DGKI: variants seen among roughly 807,000 people sequenced by gnomAD.
The protein encoded by DGKI is diacylglycerol kinase iota.
A neutral mutation model predicts 147.5 loss-of-function variants in DGKI; 55 were observed. The observed-to-expected ratio is 0.37, with a 90% CI of 0.30 to 0.47. The LOEUF (loss-of-function observed/expected upper bound fraction) is 0.47. DGKI is among the 20% of genes least tolerant of loss of function. DGKI has a pLI of 1.00. For missense variants in DGKI, 1,007 were observed against 1,323.8 expected (o/e 0.76, Z 3.71); for synonymous variants, 469 against 477.1 (o/e 0.98, Z 0.22).
intron 1 of DGKI, among the ~76,000 whole-genome samples, chr7:137,716,457 A>G (rs766162900): frequency 2.2e-4 from 33 of 152,220 alleles, no homozygotes; most frequent in Non-Finnish European, 4.3e-4. Flanking sequence ...TATACCAGTG[A>G]CCAGAAGACA....
chr7:137,612,071 C>T (rs934330346), intron 8 of DGKI, among the ~76,000 whole-genome samples: 2 of 152,076 alleles, frequency 1.3e-5, no homozygotes, highest in Admixed American at 6.6e-5. Context: ...CTTGTCTGAT[C>T]GTAGAACTCA....
intron 24 of DGKI, 93 bp from the exon 25 acceptor site, chr7:137,467,035 C>A: frequency 8.1e-7 from 1 of 1,237,496 alleles, no homozygotes; most frequent in Admixed American, 1.8e-5. Flanking sequence ...GTCAAAACCC[C>A]TACATGGCAG....
intron 21 of DGKI, among the ~76,000 whole-genome samples, chr7:137,506,706 G>A: frequency 6.6e-6 from 1 of 152,118 alleles, no homozygotes. Flanking sequence ...GTTGCGGTAG[G>A]GGAGGGTTGA....
chr7:137,408,060 G>T (rs1812023706), intron 29 of DGKI, 65 bp from the exon 30 acceptor site: 1 of 1,582,692 alleles, frequency 6.3e-7, no homozygotes, highest in Non-Finnish European at 8.6e-7. Flanking sequence ...CAGCTAACCG[G>T]TAATAAAATG....
chr7:137,788,496 C>T (rs901988904), intron 1 of DGKI, among the ~76,000 whole-genome samples: 7 of 152,096 alleles, frequency 4.6e-5, no homozygotes, highest in East Asian at 1.9e-4. Flanking sequence ...TTGATGGCTA[C>T]GTCTCCAGAC....
At chr7:137,564,889 G>A (rs1444857479) in intron 19 of DGKI, among the ~76,000 whole-genome samples, 1 of 152,180 alleles carries the variant, frequency 6.6e-6, no homozygotes, top group African/African-American at 2.4e-5. Context: ...AACGCCTTGC[G>A]GGGCTCCTAC....
chr7:137,591,930 T>C (rs1362972807), intron 12 of DGKI, among the ~76,000 whole-genome samples: 2 of 152,152 alleles, frequency 1.3e-5, no homozygotes, highest in Non-Finnish European at 2.9e-5. Context: ...AAGCGTTTCT[T>C]TTGCAGACTG....
intron 23 of DGKI, among the ~76,000 whole-genome samples, chr7:137,478,317 T>A (rs1312091424): frequency 1.3e-5 from 2 of 152,180 alleles, no homozygotes; most frequent in East Asian, 1.9e-4. Flanking sequence ...CATAAACTTT[T>A]TATGCTCGCA....
At chr7:137,420,909 C>T (rs1392949717) in intron 28 of DGKI, among the ~76,000 whole-genome samples, 2 of 152,134 alleles carry the variant, frequency 1.3e-5, no homozygotes, top group Non-Finnish European at 2.9e-5. Context: ...GTCCCAGCTA[C>T]TTGGGAGGCT....
Position 137,846,913 on chromosome 7 carries a change from G to T in DGKI, c.-51C>A. 1 of 1,102,362 alleles carries T rather than the reference G, an allele frequency of 9.1e-7. No homozygotes were observed. The highest frequency in any genetic ancestry group is 4.6e-5 in the East Asian group (1 of 21,744). 68.3% of individuals were successfully genotyped at this position (1,102,362 alleles called of 1,614,324 possible). ...TGTGGGAAACTCCGCTCACTCCCCC[G>T]CCCCGGCCAATCAGAGGCCGCCGCT... On this transcript the variant is annotated 5_prime_UTR_variant, in exon 1 of 33. Transcript: ENST00000614521. The surrounding 1 kb of genome is among the most constrained non-coding windows in gnomAD (Gnocchi z 4.0).
intron 20 of DGKI, among the ~76,000 whole-genome samples, chr7:137,550,001 T>C (rs1817990839): frequency 6.6e-6 from 1 of 152,188 alleles, no homozygotes; most frequent in South Asian, 2.1e-4. Context: ...TAAAGATTTT[T>C]GTTATCTTTA....
At chr7:137,531,928 A>G (rs1322765708) in intron 20 of DGKI, among the ~76,000 whole-genome samples, 1 of 152,176 alleles carries the variant, frequency 6.6e-6, no homozygotes, top group Non-Finnish European at 1.5e-5. Context: ...TAACGAATTA[A>G]TTAGTGATAT....
At chr7:137,675,733 A>G (rs1250269706) in intron 3 of DGKI, among the ~76,000 whole-genome samples, 1 of 151,766 alleles carries the variant, frequency 6.6e-6, no homozygotes, top group Non-Finnish European at 1.5e-5. Flanking sequence ...TCCAACTCCA[A>G]GCATACTGAA....
chr7:137,781,212 T>C (rs1796509125), intron 1 of DGKI, among the ~76,000 whole-genome samples: 1 of 152,158 alleles, frequency 6.6e-6, no homozygotes, highest in South Asian at 2.1e-4. Context: ...TCAAAAGGCA[T>C]AGCAGAAATT....
chr7:137,645,912 C>T lies in DGKI; in HGVS notation c.739-375G>A, dbSNP rs143628997. 4.3e-3 allele frequency among the ~76,000 whole-genome samples: 652 copies of T among 152,286 alleles called. 6 individuals are homozygous for T. The highest frequency in any genetic ancestry group is 0.015 in the African/African-American group (603 of 41,558). On this transcript the variant is annotated intron_variant, in intron 5 of 32. Transcript: ENST00000614521. Reference sequence around the variant, plus strand: ...AAGTTACTTCTCCATCCCCAAAGATCTTTCATATCTGTAGATTCCACTTCT... The same window carrying T: ...AAGTTACTTCTCCATCCCCAAAGATTTTTCATATCTGTAGATTCCACTTCT...
chr7:137,519,311 T>C (rs1246179797), intron 21 of DGKI, among the ~76,000 whole-genome samples: 2 of 151,996 alleles, frequency 1.3e-5, no homozygotes. Context: ...CTTTGTTAGG[T>C]GACAAACATG....
chr7:137,681,030 G>T (rs1435597233), intron 2 of DGKI, among the ~76,000 whole-genome samples: 1 of 152,130 alleles, frequency 6.6e-6, no homozygotes, highest in Non-Finnish European at 1.5e-5. Context: ...AAGTGAGGCA[G>T]GAAGGGACAA....
Position 137,577,293 on chromosome 7 carries a change from C to T in DGKI, c.1699-9G>A. The T allele has an allele frequency of 6.3e-7, 1 of 1,583,080 alleles. No individual in the cohort carries two copies. Among genetic ancestry groups the T allele is most frequent in the Non-Finnish European group, 8.6e-7 (1 of 1,157,990 alleles). On this transcript the variant is annotated splice_polypyrimidine_tract_variant and intron_variant, in intron 16 of 32. Transcript: ENST00000614521. ...AAGTCAGAAAAAGCTGCCTATACCA[C>T]AGGGAAATAAAGAAGAAGAAATTCG...
rs3839659 is a variant in DGKI at position 137,620,019 on chromosome 7, G to GCACACACA, written c.877-87_877-80dup. 1,367 of 502,308 alleles carry GCACACACA rather than the reference G, an allele frequency of 2.7e-3. 3 individuals carry two copies. Among genetic ancestry groups the GCACACACA allele is most frequent in the East Asian group, 9.2e-3 (245 of 26,644 alleles). 31.1% of individuals were successfully genotyped at this position (502,308 alleles called of 1,614,324 possible). On this transcript the variant is annotated intron_variant, in intron 7 of 32. Transcript: ENST00000614521. The stretch of plus-strand genomic sequence containing the variant: ...CAAGAAGGGATAAATATGTACACAC[G>GCACACACA]CACACACACACACACACACACACAC...
Sources: gnomAD v4.1 joint callset for allele counts (sites outside exome capture counted in the v4.1 genomes callset) on GRCh38, gnomAD v4.1.1 for gene constraint, Gnocchi (gnomAD v3.1) non-coding constraint, MANE v1.5 for transcripts, NCBI Gene and HGNC (gene_info 2026-07-23, HGNC 2026-07-21) for gene names.